The following LY6G5B variants were observed in gnomAD, a reference collection of about 807,000 sequenced individuals.
The protein encoded by LY6G5B is lymphocyte antigen 6 complex locus protein G5b.
A neutral mutation model predicts 6.7 loss-of-function variants in LY6G5B; 6 were observed. The ratio of observed to expected loss-of-function variants is 0.89; its 90% CI spans 0.49 to 1.76. The LOEUF (loss-of-function observed/expected upper bound fraction) is 1.76. LY6G5B is among the 40% of genes most tolerant of loss of function. The pLI, the probability that LY6G5B is intolerant of heterozygous loss-of-function variation, is 0.01. For missense variants in LY6G5B, 240 were observed against 249.5 expected (o/e 0.96, Z 0.26); for synonymous variants, 98 against 99.4 (o/e 0.99, Z 0.09).
Position 31,671,528 on chromosome 6 carries a change from CATG to C in LY6G5B, c.187+245_187+247del, listed in dbSNP as rs150973905. On this transcript the variant is annotated intron_variant, in intron 2 of 2. Coordinates refer to ENST00000375864, the Ensembl canonical transcript of LY6G5B. ...CTGTCTCTACAAAAAAATAGCCAGG[CATG>C]GTGGTATGCACCTGTAGTCCCAGCT... is the stretch of plus-strand genomic sequence containing the variant. Among the ~76,000 whole-genome samples the C allele has an allele frequency of 6.4e-3, 968 of 152,212 alleles. 29 individuals carry two copies. The South Asian group carries it at 0.088, about 14-fold the overall frequency.
chr6:31,672,520 C>G (rs1583622916), exon 3 of LY6G5B: 1 of 555,932 alleles, frequency 1.8e-6, no homozygotes, highest in Middle Eastern at 4.7e-4. Flanking sequence ...TCTCTGCTCA[C>G]TACAACCTCC....
exon 3 of LY6G5B, chr6:31,673,143 G>GTAAT (rs1454276110): frequency 1.3e-5 from 2 of 152,216 alleles, no homozygotes; most frequent in Non-Finnish European, 2.9e-5. Flanking sequence ...GCACACCTCT[G>GTAAT]TAATCCCAGC....
exon 1 of LY6G5B, chr6:31,670,780 C>T (rs1357893255): frequency 1.5e-6 from 1 of 668,618 alleles, no homozygotes; most frequent in Non-Finnish European, 2.5e-6. Flanking sequence ...TAATAACTTC[C>T]TTCCCAGCCA....
At chr6:31,671,241 C>G in exon 2 of LY6G5B, 1 of 1,613,898 alleles carries the variant, frequency 6.2e-7, no homozygotes, top group Non-Finnish European at 8.5e-7. Context: ...AGAAGTGTAC[C>G]ATCAGCAGCT....
chr6:31,670,016 A>G (rs1802073788), upstream of LY6G5B: 4 of 1,060,226 alleles, frequency 3.8e-6, no homozygotes, highest in South Asian at 1.6e-5. Flanking sequence ...AGTTTAAATT[A>G]AAGGAGTCGT....
rs563595765 is a variant in LY6G5B at position 31,671,875 on chromosome 6, C to T, written c.199C>T (p.Arg67Cys). Residue 67 changes from arginine (R) to cysteine (C), a missense_variant, in exon 3 of 3, where the codon CGC becomes TGC. Arg to Cys is a radical substitution (Grantham distance 180, BLOSUM62 -3). Coordinates refer to ENST00000375864, the Ensembl canonical transcript of LY6G5B. ...CCCCTCTCCCTCAGATGTCAAGGTT[C>T]GCTTCATCGTTCGAGGCTGTGGACA... 24 of 1,605,990 alleles carry T rather than the reference C, an allele frequency of 1.5e-5. No individual in the cohort carries two copies. In the Admixed American group the frequency reaches 1.5e-4, roughly 10 times the overall value.
At chr6:31,671,247 C>T in exon 2 of LY6G5B, 2 of 1,613,948 alleles carry the variant, frequency 1.2e-6, no homozygotes, top group Non-Finnish European at 1.7e-6. Context: ...GTACCATCAG[C>T]AGCTCATCCC....
chr6:31,671,720 C>G, intron 2 of LY6G5B, 144 bp from the exon 3 acceptor site: 1 of 960,868 alleles, frequency 1.0e-6, no homozygotes, highest in Non-Finnish European at 1.5e-6. Flanking sequence ...AGGGGGCCAG[C>G]AGAGCTCACT....
At chr6:31,672,333 C>G in exon 3 of LY6G5B, 3 of 1,547,296 alleles carry the variant, frequency 1.9e-6, no homozygotes, top group Non-Finnish European at 2.6e-6. Flanking sequence ...CCTGCACTGC[C>G]CTCTCTGAAA....
intron 1 of LY6G5B, 57 bp downstream of exon 1, chr6:31,671,065 G>A: frequency 6.2e-7 from 1 of 1,609,936 alleles, no homozygotes; most frequent in South Asian, 1.1e-5. Context: ...CAGGAAGGGG[G>A]TGGAGCGTGG....
At position 31,671,955 on chromosome 6, in the gene LY6G5B, G is replaced by A. The variant is rs1802256984; in HGVS notation, c.279G>A (p.Trp93Ter). 2 of 1,613,070 alleles carry A rather than the reference G, an allele frequency of 1.2e-6. No homozygotes were observed. The highest frequency in any genetic ancestry group is 1.7e-6 in the Non-Finnish European group (2 of 1,180,016). The change falls in exon 3 of 3, where the codon TGG (tryptophan) becomes TGA (stop). Residue 93 changes from tryptophan to a stop codon, truncating the protein, a stop_gained. Coordinates refer to ENST00000375864, the Ensembl canonical transcript of LY6G5B. LOFTEE classifies it low-confidence loss of function (END_TRUNC). Reference sequence around the variant, plus strand: ...GCAACACCTACTTTGCAGAGTACTGGTATCAGGCCCAGTGCTGTCAGTACG... The same window carrying A: ...GCAACACCTACTTTGCAGAGTACTGATATCAGGCCCAGTGCTGTCAGTACG...
exon 3 of LY6G5B, chr6:31,672,247 C>G (rs778732497): frequency 9.3e-6 from 15 of 1,612,972 alleles, no homozygotes; most frequent in Non-Finnish European, 9.3e-6. Flanking sequence ...TTTGGTTCTT[C>G]CCCAGGCTGG....
chr6:31,670,651 CA>C lies in LY6G5B; in HGVS notation c.-297del. 1 of 434,518 alleles carries C rather than the reference CA, an allele frequency of 2.3e-6. No homozygotes were observed. The highest frequency in any genetic ancestry group is 4.1e-6 in the Non-Finnish European group (1 of 245,036). The allele number at this position is 434,518 out of a possible 1,614,324, so 26.9% of individuals were successfully genotyped here. ...ATAGGTCTTTGGAGGGTATGCAAGA[CA>C]AAGGTAGACACTGGATAAAGAACCC... On this transcript the variant is annotated 5_prime_UTR_variant, in exon 1 of 3. An upstream open reading frame in the 5' UTR gains an earlier in-frame stop. Coordinates refer to ENST00000375864, the Ensembl canonical transcript of LY6G5B.
exon 1 of LY6G5B, chr6:31,670,785 C>A: frequency 2.9e-6 from 2 of 684,938 alleles, no homozygotes; most frequent in Non-Finnish European, 4.9e-6. Flanking sequence ...ACTTCCTTCC[C>A]AGCCAGGATC....
At chr6:31,672,397 C>G in exon 3 of LY6G5B, 2 of 1,119,606 alleles carry the variant, frequency 1.8e-6, no homozygotes, top group Admixed American at 2.3e-5. Flanking sequence ...TGTTGTACCA[C>G]TAGCATCTAT....
At chr6:31,671,912 A>G (rs1470153267) in exon 3 of LY6G5B, 1 of 1,612,988 alleles carries the variant, frequency 6.2e-7, no homozygotes, top group South Asian at 1.1e-5. Flanking sequence ...TACATTTCCT[A>G]CCGCTGCCAA....
exon 1 of LY6G5B, chr6:31,670,834 C>T: frequency 9.6e-7 from 1 of 1,041,922 alleles, no homozygotes; most frequent in Non-Finnish European, 1.4e-6. Context: ...TTTACAGCAG[C>T]TCCTGCTCAG....
At chr6:31,670,819 C>G (rs998370889) in exon 1 of LY6G5B, 10 of 907,406 alleles carry the variant, frequency 1.1e-5, no homozygotes, top group African/African-American at 6.7e-5. Flanking sequence ...GAATATAGCT[C>G]TGCATTTACA....
At chr6:31,672,124 C>T (rs1298559451) in exon 3 of LY6G5B, 16 of 1,613,148 alleles carry the variant, frequency 9.9e-6, no homozygotes, top group Non-Finnish European at 1.3e-5. Context: ...CCCCAATTTC[C>T]ATGCTGGGAC....
Sources: allele counts gnomAD v4.1 joint callset (sites outside exome capture counted in the v4.1 genomes callset), GRCh38; gene constraint gnomAD v4.1.1; transcripts MANE v1.5; gene names NCBI Gene and HGNC (gene_info 2026-07-23, HGNC 2026-07-21).